SHC4: variants seen among roughly 807,000 people sequenced by gnomAD.
SHC4 encodes SHC-transforming protein 4.
In SHC4, 41 loss-of-function variants were observed where a neutral mutation model predicts 69.4. The ratio of observed to expected loss-of-function variants is 0.59; its 90% CI spans 0.46 to 0.77. The LOEUF (loss-of-function observed/expected upper bound fraction) is 0.77, where lower values mean the gene tolerates loss of function less well. SHC4 is among the 30% of genes least tolerant of loss of function. The probability of loss-of-function intolerance (pLI) is 0.00; values close to 1 mark genes in which losing one functional copy is unlikely to be tolerated. For synonymous variants in SHC4, 318 were observed against 299.3 expected (o/e 1.06, Z -0.64); for missense variants, 777 against 783.8 (o/e 0.99, Z 0.10).
At chr15:48,848,884 A>G (rs1455151349) in intron 9 of SHC4, among the ~76,000 whole-genome samples, 2 of 152,060 alleles carry the variant, frequency 1.3e-5, no homozygotes, top group African/African-American at 2.4e-5. Flanking sequence ...AAGAAGGGAA[A>G]CCATGTCCCC....
chr15:48,915,775 CT>C (rs1033800043), intron 2 of SHC4, among the ~76,000 whole-genome samples: 50 of 152,318 alleles, frequency 3.3e-4, no homozygotes, highest in African/African-American at 1.2e-3. Context: ...AGCTACAGTG[CT>C]TGTTTTCAAT....
intron 1 of SHC4, among the ~76,000 whole-genome samples, chr15:48,939,913 T>A (rs143570476): frequency 1.2e-3 from 185 of 152,380 alleles, no homozygotes; most frequent in Non-Finnish European, 2.0e-3. Flanking sequence ...CAGACAAAGC[T>A]AATCTAAAGA....
chr15:48,833,962 C>T (rs1274761523), intron 11 of SHC4, among the ~76,000 whole-genome samples: 1 of 152,128 alleles, frequency 6.6e-6, no homozygotes, highest in Non-Finnish European at 1.5e-5. Flanking sequence ...GTTGTTAATT[C>T]TGTGTTTCTT....
intron 1 of SHC4, among the ~76,000 whole-genome samples, chr15:48,925,277 C>G (rs565849255): frequency 1.3e-5 from 2 of 152,172 alleles, no homozygotes; most frequent in African/African-American, 2.4e-5. Context: ...AGTTATGGAA[C>G]CTGAACCTCA....
In SHC4 at chr15:48,850,507, T is replaced by TG. The variant is rs1203514736; in HGVS notation, c.1303+680_1303+681insC. Among the ~76,000 whole-genome samples, 24 of 152,344 alleles carry TG rather than the reference T, an allele frequency of 1.6e-4. No homozygotes were observed. In the East Asian group the frequency reaches 4.6e-3, roughly 29 times the overall value. On this transcript the variant is annotated intron_variant, in intron 9 of 11. Transcript: ENST00000332408. ...TCTGTATTCTCCACTGCATTATTTA[T>TG]ACAGTTCAGTCATCTCCCCCTCTAA...
In SHC4 at chr15:48,878,510, C is replaced by A. The variant is rs772790872; in HGVS notation, c.840+5738G>T. ...TGACTGGGAGGACGACTACGACTATCCCGAAGAGGAGCAGCTCAGTGGTGC... is the reference window on the plus strand; with the variant it reads ...TGACTGGGAGGACGACTACGACTATACCGAAGAGGAGCAGCTCAGTGGTGC... On this transcript the variant is annotated intron_variant, in intron 4 of 11. Coordinates refer to ENST00000332408, the MANE Select transcript of SHC4 (RefSeq NM_203349.4). The A allele has an allele frequency of 1.2e-6, 2 of 1,614,058 alleles. No homozygotes were observed. The highest frequency in any genetic ancestry group is 1.1e-5 in the South Asian group (1 of 91,088).
intron 1 of SHC4, among the ~76,000 whole-genome samples, chr15:48,940,598 T>C (rs958921831): frequency 6.6e-6 from 1 of 152,216 alleles, no homozygotes; most frequent in Non-Finnish European, 1.5e-5. Flanking sequence ...TCAGTTACCA[T>C]GTCTGGTCAA....
rs142035100 is a variant in SHC4, at chr15:48,843,437, T to C, written c.1455A>G (p.Gln485=). 1,922 of 1,613,660 alleles carry C rather than the reference T, an allele frequency of 1.2e-3. 21 individuals are homozygous for C. In the African/African-American group the frequency reaches 0.023, roughly 19 times the overall value. The change falls in exon 10 of 12, where the codon CAA becomes CAG. Residue 485 remains glutamine, a synonymous_variant. Coordinates refer to ENST00000332408, the MANE Select transcript of SHC4 (RefSeq NM_203349.4). ...CGCAGTGCCATGGGCTCCCCAGTGG[T>C]TGGGCTGACCTTTGATTTCCAGCAG... The part of the protein sequence containing the change: ...PGSAGNQRSA[Q]PLGSPWHCGK...
At chr15:48,897,541 C>A (rs1259079884) in intron 2 of SHC4, among the ~76,000 whole-genome samples, 1 of 136,890 alleles carries the variant, frequency 7.3e-6, no homozygotes, top group Non-Finnish European at 1.6e-5. Context: ...CACGCACACA[C>A]TTTTTTTTTT....
chr15:48,951,154 T>C (rs1037488247), intron 1 of SHC4, among the ~76,000 whole-genome samples: 4 of 152,070 alleles, frequency 2.6e-5, no homozygotes, highest in African/African-American at 9.7e-5. Context: ...GTCCTAACTA[T>C]TCTATTTTTT....
intron 1 of SHC4, among the ~76,000 whole-genome samples, chr15:48,953,394 C>G (rs183291694): frequency 6.6e-6 from 1 of 151,950 alleles, no homozygotes; most frequent in Non-Finnish European, 1.5e-5. Context: ...GTAACATGTA[C>G]CCCTGAACTT....
intron 1 of SHC4, among the ~76,000 whole-genome samples, chr15:48,945,164 A>G (rs1205873950): frequency 6.6e-6 from 1 of 152,232 alleles, no homozygotes; most frequent in Admixed American, 6.5e-5. Flanking sequence ...CACTCTGAAA[A>G]GCAAAAAGTC....
intron 1 of SHC4, among the ~76,000 whole-genome samples, chr15:48,955,160 A>T (rs1901424938): frequency 1.3e-5 from 2 of 152,194 alleles, no homozygotes; most frequent in Non-Finnish European, 2.9e-5. Flanking sequence ...ACATCCCAGT[A>T]TGTTTACCCA....
intron 2 of SHC4, among the ~76,000 whole-genome samples, chr15:48,908,178 C>T (rs1040742758): frequency 2.0e-5 from 3 of 152,036 alleles, no homozygotes; most frequent in East Asian, 1.9e-4. Context: ...GCAGTGTAGA[C>T]GTGTTCCCTC....
At chr15:48,914,756 C>T (rs893520612) in intron 2 of SHC4, among the ~76,000 whole-genome samples, 5 of 152,078 alleles carry the variant, frequency 3.3e-5, no homozygotes, top group East Asian at 1.9e-4. Flanking sequence ...AATAAATATA[C>T]GTAATACAAA....
At chr15:48,850,710 C>T (rs543758341) in intron 9 of SHC4, among the ~76,000 whole-genome samples, 1 of 152,324 alleles carries the variant, frequency 6.6e-6, no homozygotes, top group East Asian at 1.9e-4. Flanking sequence ...ACATTTACTA[C>T]TCTGGCAAGT....
intron 2 of SHC4, among the ~76,000 whole-genome samples, chr15:48,920,116 G>A (rs1345601428): frequency 6.6e-6 from 1 of 151,036 alleles, no homozygotes; most frequent in Admixed American, 6.6e-5. Flanking sequence ...CCGGGTTCAC[G>A]CCATTCTCTT....
At chr15:48,856,611 G>A (rs936377848) in intron 7 of SHC4, among the ~76,000 whole-genome samples, 8 of 152,046 alleles carry the variant, frequency 5.3e-5, no homozygotes, top group African/African-American at 1.9e-4. Context: ...TATCTTGTCT[G>A]CACAGATCTG....
chr15:48,961,803 AC>A (rs1358508037), intron 1 of SHC4, among the ~76,000 whole-genome samples: 2 of 152,164 alleles, frequency 1.3e-5, no homozygotes, highest in Non-Finnish European at 2.9e-5. Context: ...GCCAGTAAGG[AC>A]CTTGATTTTG....
Sources: gnomAD v4.1 joint callset for allele counts (sites outside exome capture counted in the v4.1 genomes callset) on GRCh38, gnomAD v4.1.1 for gene constraint, MANE v1.5 for transcripts, NCBI Gene and HGNC (gene_info 2026-07-23, HGNC 2026-07-21) for gene names.